GLIS3: variants seen among roughly 807,000 people sequenced by gnomAD.
GLIS3 encodes zinc finger protein GLIS3.
GLIS3 carries 53 observed loss-of-function variants against 78.6 expected under a neutral mutation model. The observed-to-expected ratio is 0.67, with a 90% CI of 0.54 to 0.85. The LOEUF is 0.85. Among genes scored for constraint, GLIS3 ranks in the 40% least tolerant of loss-of-function variants. The probability of loss-of-function intolerance (pLI) is 0.00; values close to 1 mark genes in which losing one functional copy is unlikely to be tolerated. For synonymous variants in GLIS3, 684 were observed against 509.9 expected, an observed-to-expected ratio of 1.34 and a Z score of -4.60; for missense variants, 1,703 against 1,231.1, an observed-to-expected ratio of 1.38 and a Z score of -5.74.
Position 4,161,502 on chromosome 9 carries a change from T to C in GLIS3, c.389-35561A>G, listed in dbSNP as rs188171440. On this transcript the variant is annotated intron_variant, in intron 2 of 10. Coordinates refer to ENST00000381971, the MANE Select transcript of GLIS3 (RefSeq NM_001042413.2). Reference sequence around the variant, plus strand: ...ATGCATTGGACTTTCTTTTCCCCTTTAGTCAGTGTCTACTTGTCTCTCTCC... The same window carrying C: ...ATGCATTGGACTTTCTTTTCCCCTTCAGTCAGTGTCTACTTGTCTCTCTCC... Among the ~76,000 whole-genome samples, 224 of 152,200 alleles carry C rather than the reference T, an allele frequency of 1.5e-3. 2 individuals are homozygous for C. The highest frequency in any genetic ancestry group is 4.9e-3 in the African/African-American group (202 of 41,542).
chr9:4,222,631 T>A (rs1277725100), intron 2 of GLIS3, among the ~76,000 whole-genome samples: 1 of 152,194 alleles, frequency 6.6e-6, no homozygotes, highest in Non-Finnish European at 1.5e-5. Flanking sequence ...ATCACTAATT[T>A]TGCAGGCAAG....
chr9:4,202,306 A>G (rs1045924264), intron 2 of GLIS3, among the ~76,000 whole-genome samples: 3 of 151,114 alleles, frequency 2.0e-5, no homozygotes, highest in African/African-American at 7.3e-5. Context: ...GCCCGCCACC[A>G]TGCCTGGCTA....
chr9:4,323,420 C>A (rs1470256485), intron 2 of GLIS3, among the ~76,000 whole-genome samples: 2 of 152,102 alleles, frequency 1.3e-5, no homozygotes, highest in Admixed American at 1.3e-4. Flanking sequence ...TTTTTCCACC[C>A]AATGTTATGT....
intron 2 of GLIS3, among the ~76,000 whole-genome samples, chr9:4,194,273 T>G (rs1457345462): frequency 6.6e-6 from 1 of 152,136 alleles, no homozygotes; most frequent in African/African-American, 2.4e-5. Flanking sequence ...TTGCCCAGGC[T>G]GGTCTCAAAC....
intron 2 of GLIS3, among the ~76,000 whole-genome samples, chr9:4,227,181 C>G (rs1317139346): frequency 6.6e-6 from 1 of 152,022 alleles, no homozygotes; most frequent in Non-Finnish European, 1.5e-5. Flanking sequence ...AGCAAGCACC[C>G]CTAGTTTTCT....
intron 2 of GLIS3, among the ~76,000 whole-genome samples, chr9:4,213,128 C>T (rs1009499947): frequency 1.3e-5 from 2 of 152,164 alleles, no homozygotes; most frequent in Non-Finnish European, 2.9e-5. Flanking sequence ...GTATAAAATA[C>T]CAGGGCCTCC....
At chr9:4,452,842 C>T in the GLIS3 span, among the ~76,000 whole-genome samples, 1 of 152,174 alleles carries the variant, frequency 6.6e-6, no homozygotes, top group East Asian at 1.9e-4. Flanking sequence ...CAAAAAAGAG[C>T]CCATATAGCC....
At chr9:4,039,170 T>A (rs1428650397) in intron 4 of GLIS3, among the ~76,000 whole-genome samples, 1 of 152,224 alleles carries the variant, frequency 6.6e-6, no homozygotes, top group Non-Finnish European at 1.5e-5. Flanking sequence ...TCTACCCATT[T>A]CATATGGAAT....
chr9:4,456,435 G>A, the GLIS3 span, among the ~76,000 whole-genome samples: 607 of 152,294 alleles, frequency 4.0e-3, 3 homozygotes, highest in African/African-American at 0.014. Flanking sequence ...GGCTTAGGGA[G>A]GTGTTGTGAC....
intron 4 of GLIS3, among the ~76,000 whole-genome samples, chr9:4,082,835 C>T (rs961610161): frequency 1.3e-5 from 2 of 152,164 alleles, no homozygotes; most frequent in South Asian, 2.1e-4. Context: ...TATTCACTTT[C>T]GAAACAGACT....
intron 4 of GLIS3, among the ~76,000 whole-genome samples, chr9:3,965,297 G>A (rs1406252364): frequency 6.9e-6 from 1 of 143,982 alleles, no homozygotes; most frequent in Non-Finnish European, 1.5e-5. Flanking sequence ...AGGTTCAAGC[G>A]ATTCTCCTGC....
Position 3,953,764 on chromosome 9 carries a change from TCTCTCTCTCTCTCTCTCTCTCTCTCTC to T in GLIS3, c.1711-16602_1711-16576del, listed in dbSNP as rs1340791218. Among the ~76,000 whole-genome samples the T allele has an allele frequency of 9.4e-3, 469 of 49,750 alleles. 5 individuals are homozygous for T. The highest frequency in any genetic ancestry group is 0.03 in the African/African-American group (450 of 14,930). The allele number at this position is 49,750 out of a possible 152,430, so 32.6% of individuals were successfully genotyped here. Reference sequence around the variant, plus strand: ...TTGCCAATGATAATTAGATTTGCTCTCTCTCTCTCTCTCTCTCTCTCTCTCTCTCTCTATATATATATATATATATAT... The same window carrying T: ...TTGCCAATGATAATTAGATTTGCTCTTCTCTATATATATATATATATATAT... On this transcript the variant is annotated intron_variant, in intron 4 of 10. Coordinates refer to ENST00000381971, the MANE Select transcript of GLIS3 (RefSeq NM_001042413.2).
chr9:4,104,849 G>A (rs1409774576), intron 4 of GLIS3, among the ~76,000 whole-genome samples: 1 of 152,194 alleles, frequency 6.6e-6, no homozygotes, highest in Non-Finnish European at 1.5e-5. Flanking sequence ...TCAGGGGTCT[G>A]ATCTGTTCCC....
intron 2 of GLIS3, among the ~76,000 whole-genome samples, chr9:4,322,924 C>T (rs1312071348): frequency 1.3e-5 from 2 of 152,150 alleles, no homozygotes. Flanking sequence ...AATGAGATCC[C>T]ATTTGTCCAT....
At chr9:4,297,268 G>A (rs1322409609) in intron 1 of GLIS3, among the ~76,000 whole-genome samples, 4 of 152,178 alleles carry the variant, frequency 2.6e-5, no homozygotes, top group Non-Finnish European at 2.9e-5. Context: ...CATTTGTCTT[G>A]AGGTCATCTT....
At chr9:4,277,234 T>C (rs902681225) in intron 2 of GLIS3, among the ~76,000 whole-genome samples, 2 of 152,204 alleles carry the variant, frequency 1.3e-5, no homozygotes, top group Non-Finnish European at 2.9e-5. Context: ...GAAATACTTT[T>C]CCTAAGTATA....
the GLIS3 span, among the ~76,000 whole-genome samples, chr9:4,386,868 C>T: frequency 6.6e-6 from 1 of 152,180 alleles, no homozygotes; most frequent in Non-Finnish European, 1.5e-5. Flanking sequence ...GATCCCCATA[C>T]ATTTTATGAG....
At chr9:4,116,332 T>A (rs1309069884) in intron 4 of GLIS3, among the ~76,000 whole-genome samples, 1 of 152,224 alleles carries the variant, frequency 6.6e-6, no homozygotes, top group Non-Finnish European at 1.5e-5. Context: ...TGTTTCTTTG[T>A]GGCATTTTTA....
chr9:4,385,802 AAAGAAAGAAAAGAAAGAAAGAG>A, the GLIS3 span, among the ~76,000 whole-genome samples: 10 of 60,128 alleles, frequency 1.7e-4, 2 homozygotes, highest in Admixed American at 6.3e-4. Flanking sequence ...AGAAAGAAAG[AAAGAAAGAAAAGAAAGAAAGAG>A]AAAAGAAAGA....
Sources: gnomAD v4.1 joint callset for allele counts (sites outside exome capture counted in the v4.1 genomes callset) on GRCh38, gnomAD v4.1.1 for gene constraint, MANE v1.5 for transcripts, NCBI Gene and HGNC (gene_info 2026-07-23, HGNC 2026-07-21) for gene names.